Variants in NBAS observed in about 807,000 individuals in gnomAD.
NBAS encodes the protein NAG/BC035112 fusion.
In NBAS, 219 loss-of-function variants were observed where a neutral mutation model predicts 302.5. The ratio of observed to expected loss-of-function variants is 0.72; its 90% confidence interval spans 0.65 to 0.81. NBAS has a LOEUF of 0.81. Among genes scored for constraint, NBAS ranks in the 30% least tolerant of loss-of-function variants. NBAS has a pLI of 0.00. For missense variants in NBAS, 2,932 were observed against 2,841.6 expected (o/e 1.03, Z -0.72); for synonymous variants, 1,118 against 1,021.6 (o/e 1.09, Z -1.80).
chr2:15,426,003 G>T (rs1332760798), intron 22 of NBAS, among the ~76,000 whole-genome samples: 15 of 152,048 alleles, frequency 9.9e-5, no homozygotes. Context: ...ACACAGGCTT[G>T]TTAGCCCAGC....
the NBAS span, among the ~76,000 whole-genome samples, chr2:14,991,332 G>C: frequency 6.6e-6 from 1 of 152,024 alleles, no homozygotes; most frequent in Non-Finnish European, 1.5e-5. Context: ...ATCTTGCTGA[G>C]CCTGCTGCTT....
At chr2:14,828,025 A>G in the NBAS span, among the ~76,000 whole-genome samples, 2 of 152,204 alleles carry the variant, frequency 1.3e-5, no homozygotes, top group Non-Finnish European at 2.9e-5. Context: ...AATGAAAAAC[A>G]CAAAAACATA....
intron 44 of NBAS, among the ~76,000 whole-genome samples, chr2:15,267,404 G>A (rs1259202052): frequency 2.0e-5 from 3 of 152,076 alleles, no homozygotes; most frequent in African/African-American, 7.2e-5. Context: ...CAAAAAAAAA[G>A]TTTGAATAAA....
intron 41 of NBAS, among the ~76,000 whole-genome samples, 157 bp from the exon 42 acceptor site, chr2:15,287,340 C>A (rs1670091164): frequency 6.6e-6 from 1 of 152,182 alleles, no homozygotes; most frequent in East Asian, 1.9e-4. Context: ...AAAAGTACTT[C>A]CAAGGAATTG....
the NBAS span, among the ~76,000 whole-genome samples, chr2:15,144,207 G>A: frequency 6.6e-6 from 1 of 151,690 alleles, no homozygotes; most frequent in African/African-American, 2.4e-5. Context: ...AAGACAACAT[G>A]CATTCCACAA....
At chr2:15,479,309 C>T (rs530388474) in intron 12 of NBAS, among the ~76,000 whole-genome samples, 29 of 152,138 alleles carry the variant, frequency 1.9e-4, no homozygotes, top group African/African-American at 6.3e-4. Flanking sequence ...GACTAAGTTT[C>T]GAAAAATCAT....
the NBAS span, among the ~76,000 whole-genome samples, chr2:15,097,124 C>A: frequency 6.6e-6 from 1 of 152,106 alleles, no homozygotes; most frequent in African/African-American, 2.4e-5. Flanking sequence ...GGGGAGGGAG[C>A]TGAGGTATTT....
chr2:15,556,106 CACAT>C (rs752378604), intron 3 of NBAS, among the ~76,000 whole-genome samples: 7 of 152,156 alleles, frequency 4.6e-5, no homozygotes, highest in African/African-American at 7.2e-5. Flanking sequence ...CATACACACA[CACAT>C]ACATAGAGTA....
chr2:15,234,837 C>G, intron 45 of NBAS, 90 bp from the exon 46 acceptor site: 1 of 1,327,806 alleles, frequency 7.5e-7, no homozygotes, highest in Non-Finnish European at 1.1e-6. Flanking sequence ...GATCCTCGAA[C>G]CAAATACATG....
At chr2:15,377,389 C>T (rs569686288) in intron 30 of NBAS, among the ~76,000 whole-genome samples, 1 of 152,300 alleles carries the variant, frequency 6.6e-6, no homozygotes, top group South Asian at 2.1e-4. Context: ...ATAACAAAGA[C>T]CAAAATTTTG....
chr2:14,874,647 G>GAA, the NBAS span, among the ~76,000 whole-genome samples: 14 of 100,304 alleles, frequency 1.4e-4, no homozygotes, highest in African/African-American at 4.4e-4. Context: ...CTCAAAAAAA[G>GAA]AAAAAAAAAA....
the NBAS span, among the ~76,000 whole-genome samples, chr2:15,051,330 C>T: frequency 6.6e-6 from 1 of 152,148 alleles, no homozygotes; most frequent in Non-Finnish European, 1.5e-5. Flanking sequence ...GGGAGCTGGC[C>T]AGGTGAAATG....
At chr2:15,436,379 G>C (rs553520458) in intron 21 of NBAS, among the ~76,000 whole-genome samples, 2 of 152,148 alleles carry the variant, frequency 1.3e-5, no homozygotes, top group Non-Finnish European at 2.9e-5. Flanking sequence ...GTAGCTCACA[G>C]AAATGATTCA....
intron 9 of NBAS, among the ~76,000 whole-genome samples, chr2:15,530,500 A>G (rs896203580): frequency 2.6e-5 from 4 of 152,114 alleles, no homozygotes. Flanking sequence ...TGTATCAATA[A>G]TTTACCAAAA....
At chr2:14,978,788 C>T in the NBAS span, among the ~76,000 whole-genome samples, 1,027 of 152,294 alleles carry the variant, frequency 6.7e-3, 6 homozygotes, top group African/African-American at 0.024. Context: ...AAAACCCAGC[C>T]TTTGCAACAT....
intron 9 of NBAS, among the ~76,000 whole-genome samples, chr2:15,529,008 G>A (rs568208167): frequency 1.2e-4 from 18 of 151,594 alleles, no homozygotes; most frequent in African/African-American, 4.4e-4. Context: ...CTAACATGGT[G>A]CATTCCACAA....
At chr2:15,559,553 T>C (rs1406260565) in intron 1 of NBAS, among the ~76,000 whole-genome samples, 1 of 152,168 alleles carries the variant, frequency 6.6e-6, no homozygotes, top group Admixed American at 6.5e-5. Flanking sequence ...ACAGAAAAGT[T>C]ATTTCACTCA....
chr2:15,032,183 T>C, the NBAS span, among the ~76,000 whole-genome samples: 1 of 152,184 alleles, frequency 6.6e-6, no homozygotes, highest in African/African-American at 2.4e-5. Flanking sequence ...AGACAGAAAT[T>C]GGTACCAAGA....
the NBAS span, among the ~76,000 whole-genome samples, chr2:14,886,336 T>G: frequency 6.6e-6 from 1 of 152,226 alleles, no homozygotes; most frequent in Non-Finnish European, 1.5e-5. Context: ...CTTTTCTTTT[T>G]GCCAGAAATG....
Sources: allele counts gnomAD v4.1 joint callset (sites outside exome capture counted in the v4.1 genomes callset), GRCh38; gene constraint gnomAD v4.1.1; transcripts MANE v1.5; gene names NCBI Gene and HGNC (gene_info 2026-07-23, HGNC 2026-07-21).